The following TBCK variants were observed in gnomAD, a reference collection of about 807,000 sequenced individuals.
The protein encoded by TBCK is TBC domain-containing protein kinase-like protein.
In TBCK, 99 loss-of-function variants were observed where a neutral mutation model predicts 113.4. That is an observed-to-expected ratio of 0.87 (90% CI 0.74 to 1.03). The LOEUF (loss-of-function observed/expected upper bound fraction) is 1.03. Ranked by LOEUF, TBCK falls within the 50% of genes least tolerant of loss-of-function variation. The pLI, the probability that TBCK is intolerant of heterozygous loss-of-function variation, is 0.00. For missense variants in TBCK, 1,045 were observed against 1,061.3 expected (o/e 0.98, Z 0.21); for synonymous variants, 369 against 370.8 (o/e 1.00, Z 0.05).
chr4:106,254,109 G>A (rs1382339924), intron 5 of TBCK, among the ~76,000 whole-genome samples: 2 of 151,644 alleles, frequency 1.3e-5, no homozygotes, highest in Non-Finnish European at 2.9e-5. Context: ...AAGAACAAAT[G>A]TTATGTGATG....
chr4:106,264,785 T>C lies in TBCK; in HGVS notation c.267-2573A>G, dbSNP rs188780039. ...TCTCATACTATTTTTAAATTTCTTT[T>C]TTGTTTAGCTATAAGACATCTTGAG... On this transcript the variant is annotated intron_variant, in intron 3 of 25. Transcript: ENST00000394708. Among the ~76,000 whole-genome samples the C allele has an allele frequency of 2.6e-5, 4 of 152,074 alleles. No homozygotes were observed. The East Asian group carries it at 7.7e-4, about 29-fold the overall frequency.
intron 25 of TBCK, among the ~76,000 whole-genome samples, chr4:106,093,342 TA>T: frequency 6.6e-6 from 1 of 152,066 alleles, no homozygotes; most frequent in Non-Finnish European, 1.5e-5. Flanking sequence ...CCGTCTCTAC[TA>T]AAAATACGAA....
At chr4:106,233,153 A>T in intron 16 of TBCK, 89 bp from the exon 17 acceptor site, 1 of 1,265,454 alleles carries the variant, frequency 7.9e-7, no homozygotes, top group Non-Finnish European at 1.1e-6. Flanking sequence ...AAGGAAAAGG[A>T]GAAGCTATAA....
Position 106,153,340 on chromosome 4 carries a change from T to C in TBCK, c.2235+17755A>G, listed in dbSNP as rs114910030. ...CTACTAGTCATTGAAGAGCATGCTG[T>C]TTAATTTCCATGTGTTTGCATAAAT... On this transcript the variant is annotated intron_variant, in intron 23 of 25. Coordinates refer to ENST00000394708, the MANE Select transcript of TBCK (RefSeq NM_001163435.3). Among the ~76,000 whole-genome samples the C allele has an allele frequency of 2.0e-3, 306 of 152,256 alleles. 2 individuals carry two copies. Among genetic ancestry groups the C allele is most frequent in the African/African-American group, 6.9e-3 (288 of 41,582 alleles).
intron 3 of TBCK, among the ~76,000 whole-genome samples, chr4:106,270,608 GAAAC>G (rs1763389604): frequency 6.6e-6 from 1 of 152,052 alleles, no homozygotes; most frequent in African/African-American, 2.4e-5. Context: ...GAAAAAAAGA[GAAAC>G]AAATTTCTAT....
chr4:106,107,982 T>C (rs923624151), intron 24 of TBCK, among the ~76,000 whole-genome samples: 11 of 151,870 alleles, frequency 7.2e-5, no homozygotes, highest in African/African-American at 2.7e-4. Context: ...CCATATGCTC[T>C]ATGTACACAA....
chr4:106,224,342 T>C (rs1758009532), intron 19 of TBCK, among the ~76,000 whole-genome samples: 1 of 151,848 alleles, frequency 6.6e-6, no homozygotes, highest in African/African-American at 2.4e-5. Context: ...ACAATTCAAG[T>C]TGCTATTGAA....
intron 25 of TBCK, among the ~76,000 whole-genome samples, chr4:106,084,766 A>G (rs1007074697): frequency 2.6e-5 from 4 of 152,234 alleles, no homozygotes; most frequent in African/African-American, 9.6e-5. Flanking sequence ...ACAAGCCAGA[A>G]GAGACTGGGG....
chr4:106,185,163 C>T (rs1752871410), intron 22 of TBCK, among the ~76,000 whole-genome samples: 1 of 151,990 alleles, frequency 6.6e-6, no homozygotes, highest in Admixed American at 6.6e-5. Context: ...ATTAAAATGG[C>T]TTGAAATTTT....
chr4:106,271,722 A>C (rs1763498891), intron 3 of TBCK, among the ~76,000 whole-genome samples: 1 of 151,710 alleles, frequency 6.6e-6, no homozygotes, highest in Non-Finnish European at 1.5e-5. Flanking sequence ...ACTGCACTCC[A>C]ATCTGGGCGA....
chr4:106,297,651 T>G (rs879324331), intron 2 of TBCK: 6 of 152,242 alleles, frequency 3.9e-5, no homozygotes, highest in Non-Finnish European at 8.8e-5. Flanking sequence ...TTATTTTATC[T>G]TAGTTTACCA....
At chr4:106,230,903 G>A (rs868182212) in intron 18 of TBCK, among the ~76,000 whole-genome samples, 3 of 151,764 alleles carry the variant, frequency 2.0e-5, no homozygotes, top group African/African-American at 7.2e-5. Flanking sequence ...AGTGATCATT[G>A]GCTATGCCTA....
In TBCK at chr4:106,268,342, T is replaced by C. The variant is rs150598733; in HGVS notation, c.267-6130A>G. Reference sequence around the variant, plus strand: ...AATTATTTCTATATAAGCTTGTCTTTCCCACTGTATCTTGAGTATGGACTA... The same window carrying C: ...AATTATTTCTATATAAGCTTGTCTTCCCCACTGTATCTTGAGTATGGACTA... On this transcript the variant is annotated intron_variant, in intron 3 of 25. Transcript: ENST00000394708. Among the ~76,000 whole-genome samples the C allele has an allele frequency of 5.3e-5, 8 of 152,196 alleles. No homozygotes were observed. The East Asian group carries it at 1.5e-3, about 29-fold the overall frequency.
intron 20 of TBCK, among the ~76,000 whole-genome samples, chr4:106,206,864 A>C (rs750248894): frequency 6.6e-6 from 1 of 152,196 alleles, no homozygotes; most frequent in Non-Finnish European, 1.5e-5. Context: ...CCAGCATATC[A>C]TGGAATTTGT....
intron 20 of TBCK, among the ~76,000 whole-genome samples, chr4:106,203,836 T>C (rs182650012): frequency 2.0e-5 from 3 of 152,262 alleles, no homozygotes; most frequent in Non-Finnish European, 2.9e-5. Context: ...TAAAACATGT[T>C]ATGTAGCACT....
At chr4:106,118,308 C>T (rs1161867542) in intron 23 of TBCK, among the ~76,000 whole-genome samples, 3 of 152,072 alleles carry the variant, frequency 2.0e-5, no homozygotes, top group African/African-American at 7.2e-5. Flanking sequence ...CTTGGGTTTC[C>T]CCAGTTGTAC....
rs1578953519 is a variant in TBCK, at chr4:106,119,340, C to T, written c.2236-2962G>A. On this transcript the variant is annotated intron_variant, in intron 23 of 25. Transcript: ENST00000394708. ...ACACTGCATGTTAAACTTAGATGTC[C>T]ACCCAGAAATAAATCAATGTATTTA... Among the ~76,000 whole-genome samples the T allele has an allele frequency of 2.0e-5, 3 of 152,184 alleles. No individual in the cohort carries two copies. The South Asian group carries it at 6.2e-4, about 32-fold the overall frequency.
At chr4:106,126,711 C>A (rs1745257798) in intron 23 of TBCK, among the ~76,000 whole-genome samples, 1 of 152,134 alleles carries the variant, frequency 6.6e-6, no homozygotes, top group African/African-American at 2.4e-5. Context: ...ATTCTTATGT[C>A]TGGATTATCA....
At chr4:106,313,145 T>A (rs781288108) in intron 1 of TBCK, among the ~76,000 whole-genome samples, 1 of 152,184 alleles carries the variant, frequency 6.6e-6, no homozygotes, top group Non-Finnish European at 1.5e-5. Flanking sequence ...TTTCAAAGCA[T>A]CAAACGTAAC....
Sources: allele counts gnomAD v4.1 joint callset (sites outside exome capture counted in the v4.1 genomes callset), GRCh38; gene constraint gnomAD v4.1.1; transcripts MANE v1.5; gene names NCBI Gene and HGNC (gene_info 2026-07-23, HGNC 2026-07-21).